The following DTL variants were observed in gnomAD, a reference collection of about 807,000 sequenced individuals.
DTL encodes denticleless protein homolog.
DTL carries 46 observed loss-of-function variants against 87.0 expected under a neutral mutation model. The ratio of observed to expected loss-of-function variants is 0.53; its 90% CI spans 0.42 to 0.68. DTL has a LOEUF of 0.68. Ranked by LOEUF, DTL falls within the 30% of genes least tolerant of loss-of-function variation. DTL has a pLI of 0.00. For missense variants in DTL, 737 were observed against 869.4 expected, an observed-to-expected ratio of 0.85 and a Z score of 1.91; for synonymous variants, 308 against 311.2, an observed-to-expected ratio of 0.99 and a Z score of 0.11.
At chr1:212,051,045 T>C (rs1667955660) in intron 5 of DTL, among the ~76,000 whole-genome samples, 1 of 152,134 alleles carries the variant, frequency 6.6e-6, no homozygotes, top group African/African-American at 2.4e-5. Flanking sequence ...TAGTTGCTTT[T>C]ACCTAGGTTG....
chr1:212,100,555 C>T lies in DTL; in HGVS notation c.1565C>T (p.Thr522Ile), dbSNP rs1206227902. 2.9e-5 allele frequency: 46 copies of T among 1,614,024 alleles called. No individual in the cohort carries two copies. The highest frequency in any genetic ancestry group is 3.8e-5 in the Non-Finnish European group (45 of 1,179,998). The change falls in exon 14 of 15, where the codon ACC becomes ATC. Residue 522 changes from threonine (T) to isoleucine (I), a missense_variant. Physicochemically the swap from Thr to Ile is moderately conservative, Grantham distance 89. Transcript: ENST00000366991. Reference protein sequence around the residue: ...SPPITPPASETKIMSPRKALI... With the variant: ...SPPITPPASEIKIMSPRKALI... ...CCCATCACTCCACCTGCTTCGGAGA[C>T]CAAGATCATGTCTCCGAGAAAAGCC...
intron 5 of DTL, among the ~76,000 whole-genome samples, chr1:212,061,477 A>G (rs1457029395): frequency 1.4e-5 from 2 of 138,536 alleles, no homozygotes; most frequent in East Asian, 4.3e-4. Flanking sequence ...TCCAGTCACT[A>G]TGGAAAACAG....
chr1:212,037,572 A>G (rs138833025), intron 1 of DTL, among the ~76,000 whole-genome samples: 240 of 152,388 alleles, frequency 1.6e-3, no homozygotes, highest in South Asian at 5.6e-3. Flanking sequence ...GATATAAATA[A>G]GAATTGTTTC....
intron 13 of DTL, 111 bp from the exon 14 acceptor site, chr1:212,100,141 T>C (rs1018136819): frequency 1.4e-5 from 10 of 738,566 alleles, no homozygotes; most frequent in African/African-American, 3.5e-5. Flanking sequence ...ACCTACTTAC[T>C]GGCAAATTGA....
chr1:212,062,554 C>G (rs111667870), intron 5 of DTL, among the ~76,000 whole-genome samples: 1 of 152,160 alleles, frequency 6.6e-6, no homozygotes, highest in South Asian at 2.1e-4. Context: ...ATAAAACACG[C>G]GGGATAGTAG....
intron 13 of DTL, among the ~76,000 whole-genome samples, chr1:212,092,587 C>T (rs964834046): frequency 6.6e-6 from 1 of 151,972 alleles, no homozygotes; most frequent in Admixed American, 6.6e-5. Context: ...CTGCAAATGC[C>T]ATTATTTCAA....
chr1:212,068,151 C>A, intron 8 of DTL, 73 bp from the exon 9 acceptor site: 1 of 908,556 alleles, frequency 1.1e-6, no homozygotes, highest in Non-Finnish European at 1.7e-6. Context: ...AAAGTCATTT[C>A]ACATTTAGTG....
Position 212,044,676 on chromosome 1 carries a change from T to C in DTL, c.195T>C (p.His65=), listed in dbSNP as rs1405246014. ...CTGCTTTAGCTCCCAATATGGAACATGTACTAGCAGTTGCCAATGAAGAAG... is the reference window on the plus strand; with the variant it reads ...CTGCTTTAGCTCCCAATATGGAACACGTACTAGCAGTTGCCAATGAAGAAG... ...CTFSSAPNME[H]VLAVANEEGF... is the part of the protein sequence containing the mutation. The change falls in exon 3 of 15, where the codon CAT becomes CAC. Residue 65 remains histidine (H), a synonymous_variant. Transcript: ENST00000366991. 1.2e-6 allele frequency: 2 copies of C among 1,608,134 alleles called. No homozygotes were observed. The highest frequency in any genetic ancestry group is 1.7e-6 in the Non-Finnish European group (2 of 1,176,296).
intron 2 of DTL, 24 bp from the exon 3 acceptor site, chr1:212,044,636 T>C: frequency 6.8e-7 from 1 of 1,477,018 alleles, no homozygotes; most frequent in Non-Finnish European, 9.3e-7. Flanking sequence ...ACTCTATATA[T>C]TTTTTTCTTT....
At chr1:212,048,053 C>T (rs1193465896) in intron 5 of DTL, among the ~76,000 whole-genome samples, 2 of 152,202 alleles carry the variant, frequency 1.3e-5, no homozygotes, top group Non-Finnish European at 2.9e-5. Flanking sequence ...ACTGGGCACT[C>T]ATTAACTATT....
chr1:212,055,219 G>A (rs893448785), intron 5 of DTL, among the ~76,000 whole-genome samples: 2 of 149,944 alleles, frequency 1.3e-5, no homozygotes, highest in African/African-American at 2.5e-5. Flanking sequence ...CTAGGAATCT[G>A]GAGAGGCTTC....
At position 212,102,871 on chromosome 1, in the gene DTL, AATCTGCAC is replaced by A; in HGVS notation, c.2127_2134del (p.Cys710LeufsTer3). The A allele has an allele frequency of 6.2e-7, 1 of 1,612,654 alleles. No individual in the cohort carries two copies. The highest frequency in any genetic ancestry group is 1.1e-5 in the South Asian group (1 of 90,938). On this transcript the variant is annotated frameshift_variant, in exon 15 of 15. Transcript: ENST00000366991. LOFTEE classifies it high-confidence loss of function. ...CCATCACGCCCAGCTCCATGAGGAA[AATCTGCAC>A]ATACTTCCATAGAAAGTCCCAGGAG...
At chr1:212,049,259 T>C (rs917346502) in intron 5 of DTL, among the ~76,000 whole-genome samples, 4 of 152,192 alleles carry the variant, frequency 2.6e-5, no homozygotes, top group African/African-American at 7.2e-5. Flanking sequence ...TTTAATTTAC[T>C]GTGGTTGCAG....
chr1:212,072,878 C>T (rs1203921802), intron 11 of DTL, among the ~76,000 whole-genome samples: 2 of 152,012 alleles, frequency 1.3e-5, no homozygotes, highest in East Asian at 3.9e-4. Flanking sequence ...ATTCTCCTGC[C>T]TCAGCCTCCC....
chr1:212,068,922 TAG>T (rs1213314167), intron 10 of DTL, among the ~76,000 whole-genome samples: 3 of 152,250 alleles, frequency 2.0e-5, no homozygotes, highest in South Asian at 2.1e-4. Flanking sequence ...TTTATTTTAA[TAG>T]AGAGTATCTC....
chr1:212,101,132 C>CAGA (rs1486823733), intron 14 of DTL, 48 bp downstream of exon 14: 2 of 1,331,198 alleles, frequency 1.5e-6, no homozygotes, highest in Non-Finnish European at 2.0e-6. Flanking sequence ...TAAAAGGGGC[C>CAGA]AGACACCCAG....
chr1:212,090,925 T>C (rs946748772), intron 13 of DTL, among the ~76,000 whole-genome samples: 5 of 152,254 alleles, frequency 3.3e-5, no homozygotes, highest in African/African-American at 9.6e-5. Context: ...GTTTTAGATC[T>C]GTGCATTCCT....
At position 212,100,785 on chromosome 1, in the gene DTL, A is replaced by C; in HGVS notation, c.1795A>C (p.Ser599Arg). The C allele has an allele frequency of 6.2e-7, 1 of 1,614,166 alleles. No individual in the cohort carries two copies. The highest frequency in any genetic ancestry group is 1.1e-5 in the South Asian group (1 of 91,078). ...CCLAGNQEDL[S>R]KDSLGPTKSS... ...CCTTGCTGGTAACCAGGAAGACCTT[A>C]GTAAGGACTCTCTAGGTCCTACCAA... Residue 599 changes from serine (S) to arginine (R), a missense_variant, in exon 14 of 15, where the codon AGT becomes CGT. Physicochemically the swap from Ser to Arg is moderately radical, Grantham distance 110. Transcript: ENST00000366991.
intron 11 of DTL, 92 bp from the exon 12 acceptor site, chr1:212,078,081 A>G (rs986148707): frequency 1.4e-6 from 1 of 735,410 alleles, no homozygotes. Context: ...TAACAATCCT[A>G]AAGCTCTCTA....
Sources: gnomAD v4.1 joint callset for allele counts (sites outside exome capture counted in the v4.1 genomes callset) on GRCh38, gnomAD v4.1.1 for gene constraint, MANE v1.5 for transcripts, NCBI Gene and HGNC (gene_info 2026-07-23, HGNC 2026-07-21) for gene names.